XKR6: variants seen among roughly 807,000 people sequenced by gnomAD.
XKR6 encodes XK-related protein 6.
A neutral mutation model predicts 56.7 loss-of-function variants in XKR6; 22 were observed. That is an observed-to-expected ratio of 0.39 (90% CI 0.28 to 0.55). XKR6 has a LOEUF of 0.55. Ranked by LOEUF, XKR6 falls within the 20% of genes least tolerant of loss-of-function variation. The probability of loss-of-function intolerance (pLI) is 0.66; values close to 1 mark genes in which losing one functional copy is unlikely to be tolerated. For missense variants in XKR6, 852 were observed against 889.0 expected, an observed-to-expected ratio of 0.96 and a Z score of 0.53; for synonymous variants, 524 against 387.8, an observed-to-expected ratio of 1.35 and a Z score of -4.13.
rs374682688 is a variant in XKR6, at chr8:11,067,903, G to A, written c.764+132673C>T. On this transcript the variant is annotated intron_variant, in intron 1 of 2. Coordinates refer to ENST00000416569, the MANE Select transcript of XKR6 (RefSeq NM_173683.4). ...TGGGGGTCTCCCCATGACTGCAGCC[G>A]CGCCCATGCTCACTGGGTAATGCTG... Among the ~76,000 whole-genome samples the A allele has an allele frequency of 5.3e-5, 8 of 152,362 alleles. No homozygotes were observed. In the East Asian group the frequency reaches 1.2e-3, roughly 22 times the overall value.
intron 1 of XKR6, among the ~76,000 whole-genome samples, chr8:11,099,298 C>T (rs1384543250): frequency 5.9e-5 from 9 of 152,264 alleles, no homozygotes; most frequent in Non-Finnish European, 1.0e-4. Flanking sequence ...GCCTCTAACA[C>T]AATAGCCACA....
At chr8:11,136,920 T>A (rs1800430409) in intron 1 of XKR6, 1 of 152,248 alleles carries the variant, frequency 6.6e-6, no homozygotes, top group Non-Finnish European at 1.5e-5. Flanking sequence ...TATTTGCATA[T>A]TCTCTAAATT....
At chr8:11,101,898 G>A (rs1165868521) in intron 1 of XKR6, among the ~76,000 whole-genome samples, 2 of 152,060 alleles carry the variant, frequency 1.3e-5, no homozygotes, top group Non-Finnish European at 2.9e-5. Flanking sequence ...TTACGGACCC[G>A]CCACAATTTT....
intron 1 of XKR6, among the ~76,000 whole-genome samples, chr8:10,998,866 G>A (rs1355286859): frequency 6.6e-6 from 1 of 152,204 alleles, no homozygotes; most frequent in Non-Finnish European, 1.5e-5. Flanking sequence ...CAGCAAGGGA[G>A]AAGAAAATTA....
At chr8:11,137,685 G>T (rs1472834853) in intron 1 of XKR6, 1 of 455,704 alleles carries the variant, frequency 2.2e-6, no homozygotes, top group East Asian at 6.9e-5. Context: ...ACAAGCAGCG[G>T]AGAGTCTGCT....
intron 1 of XKR6, among the ~76,000 whole-genome samples, chr8:10,986,996 C>A (rs1458692546): frequency 6.6e-6 from 1 of 151,958 alleles, no homozygotes; most frequent in Non-Finnish European, 1.5e-5. Context: ...CACTACGTTG[C>A]ACAGGCTGGT....
intron 1 of XKR6, among the ~76,000 whole-genome samples, chr8:10,939,122 T>C (rs554340969): frequency 7.2e-5 from 11 of 152,146 alleles, no homozygotes; most frequent in Admixed American, 6.5e-4. Context: ...TCACAAACCC[T>C]GGATGGAAAG....
chr8:11,013,097 T>C (rs974501261), intron 1 of XKR6, among the ~76,000 whole-genome samples: 3 of 152,162 alleles, frequency 2.0e-5, no homozygotes, highest in African/African-American at 7.2e-5. Flanking sequence ...CAAGCTCAGA[T>C]GAGAACAGGA....
intron 1 of XKR6, among the ~76,000 whole-genome samples, chr8:11,049,316 C>T (rs1799486349): frequency 6.6e-6 from 1 of 152,222 alleles, no homozygotes; most frequent in Non-Finnish European, 1.5e-5. Flanking sequence ...TATCTGTTCC[C>T]CCTTTTCTCA....
rs77827480 is a variant in XKR6 at position 10,960,011 on chromosome 8, G to C, written c.765-35181C>G. ...GGATTACAAAAGCCTGAAGGTCAGG[G>C]GGGGGCCTCCTTAAAATTTGCACCT... On this transcript the variant is annotated intron_variant, in intron 1 of 2. Transcript: ENST00000416569. 7.6e-3 allele frequency among the ~76,000 whole-genome samples: 1,150 copies of C among 152,284 alleles called. 20 individuals carry two copies. The highest frequency in any genetic ancestry group is 0.026 in the African/African-American group (1,084 of 41,550).
In XKR6 at chr8:11,137,885, A is replaced by G. The variant is rs1398596586; in HGVS notation, c.764+62691T>C. The G allele has an allele frequency of 1.1e-5, 4 of 360,364 alleles. No individual in the cohort carries two copies. The East Asian group carries it at 2.9e-4, about 27-fold the overall frequency. 22.3% of individuals were successfully genotyped at this position (360,364 alleles called of 1,614,324 possible). On this transcript the variant is annotated intron_variant, in intron 1 of 2. Coordinates refer to ENST00000416569, the MANE Select transcript of XKR6 (RefSeq NM_173683.4). Reference sequence around the variant, plus strand: ...AAAAGACTGATATATTAAATAAACTAAAGAATAAGACTTAGGTCCAAAATC... The same window carrying G: ...AAAAGACTGATATATTAAATAAACTGAAGAATAAGACTTAGGTCCAAAATC...
chr8:11,003,732 T>C (rs1415460488), intron 1 of XKR6, among the ~76,000 whole-genome samples: 6 of 152,232 alleles, frequency 3.9e-5, no homozygotes, highest in Non-Finnish European at 7.3e-5. Context: ...CTCTGCCCTC[T>C]TTCTGTCATT....
intron 1 of XKR6, among the ~76,000 whole-genome samples, chr8:11,056,093 C>T (rs1212523546): frequency 6.6e-6 from 1 of 152,144 alleles, no homozygotes; most frequent in Non-Finnish European, 1.5e-5. Context: ...CCGTGGACGA[C>T]GTCCCGACTC....
chr8:10,993,549 G>A (rs10111601), intron 1 of XKR6, among the ~76,000 whole-genome samples: 13,452 of 152,248 alleles, frequency 0.088, 1,939 homozygotes, highest in African/African-American at 0.31. Context: ...GTGCTCAGCC[G>A]TTCCAAAAGC....
At chr8:11,015,645 C>T (rs891656152) in intron 1 of XKR6, among the ~76,000 whole-genome samples, 1 of 152,166 alleles carries the variant, frequency 6.6e-6, no homozygotes. Flanking sequence ...TGGCTGCGTT[C>T]GGGACCCAGC....
chr8:11,121,628 G>A (rs536014842), intron 1 of XKR6, among the ~76,000 whole-genome samples: 6 of 152,194 alleles, frequency 3.9e-5, no homozygotes, highest in African/African-American at 1.2e-4. Context: ...TCAGTGTGGC[G>A]ATTCCTCAGG....
At chr8:10,921,410 G>A (rs1041195439) in intron 2 of XKR6, among the ~76,000 whole-genome samples, 3 of 152,306 alleles carry the variant, frequency 2.0e-5, no homozygotes, top group Admixed American at 2.0e-4. Flanking sequence ...GGTACCATGA[G>A]GATGGGGAGG....
intron 1 of XKR6, among the ~76,000 whole-genome samples, chr8:10,948,990 C>T (rs115897125): frequency 1.7e-3 from 253 of 152,342 alleles, no homozygotes; most frequent in African/African-American, 5.9e-3. Context: ...CGGGAGGCTC[C>T]TCAAAGTCAG....
At chr8:11,170,812 G>A (rs1275182035) in intron 1 of XKR6, among the ~76,000 whole-genome samples, 9 of 152,188 alleles carry the variant, frequency 5.9e-5, no homozygotes, top group Non-Finnish European at 1.2e-4. Context: ...ATCTGTGCAT[G>A]GAGTACATTC....
Sources: allele counts gnomAD v4.1 joint callset (sites outside exome capture counted in the v4.1 genomes callset), GRCh38; gene constraint gnomAD v4.1.1; transcripts MANE v1.5; gene names NCBI Gene and HGNC (gene_info 2026-07-23, HGNC 2026-07-21).